Variants in MKLN1 observed in about 807,000 individuals in gnomAD.
MKLN1 encodes muskelin 1.
Under a neutral mutation model 99.0 loss-of-function variants are expected in MKLN1, and 18 were observed. The observed-to-expected ratio is 0.18, with a 90% confidence interval of 0.13 to 0.27. The LOEUF (loss-of-function observed/expected upper bound fraction) is 0.27, where lower values mean the gene tolerates loss of function less well. Ranked by LOEUF, MKLN1 falls within the 10% of genes least tolerant of loss-of-function variation. The probability of loss-of-function intolerance (pLI) is 1.00; values close to 1 mark genes in which losing one functional copy is unlikely to be tolerated. For synonymous variants in MKLN1, 288 were observed against 293.2 expected (o/e 0.98, Z 0.18); for missense variants, 621 against 875.9 (o/e 0.71, Z 3.67).
Position 131,164,144 on chromosome 7 carries a change from C to T in MKLN1, c.-297+21203C>T, listed in dbSNP as rs185203644. On this transcript the variant is annotated intron_variant, in intron 2 of 7. Transcript: ENST00000416992. ...TGTTTTTTCTTGAGACAGGGTCTCA[C>T]TCTGTCACTGAGGCTGGAGTGCAGT... 5.3e-5 allele frequency among the ~76,000 whole-genome samples: 8 copies of T among 152,292 alleles called. No individual in the cohort carries two copies. The East Asian group carries it at 1.2e-3, about 22-fold the overall frequency.
intron 2 of MKLN1, among the ~76,000 whole-genome samples, chr7:131,178,748 C>T (rs1279861601): frequency 6.6e-6 from 1 of 152,230 alleles, no homozygotes; most frequent in South Asian, 2.1e-4. Context: ...TTTGGAGTTC[C>T]CTGACATATA....
At chr7:131,177,555 T>TG (rs1796317886) in intron 2 of MKLN1, among the ~76,000 whole-genome samples, 1 of 152,148 alleles carries the variant, frequency 6.6e-6, no homozygotes, top group Non-Finnish European at 1.5e-5. Flanking sequence ...ACATACACTC[T>TG]TATATATGTG....
intron 1 of MKLN1, among the ~76,000 whole-genome samples, chr7:131,135,070 C>T (rs1254584061): frequency 6.6e-6 from 1 of 152,210 alleles, no homozygotes; most frequent in Non-Finnish European, 1.5e-5. Flanking sequence ...TCTCTCCTTG[C>T]CAACTCATCT....
At chr7:131,231,566 T>C (rs989381733) in intron 3 of MKLN1, among the ~76,000 whole-genome samples, 2 of 152,176 alleles carry the variant, frequency 1.3e-5, no homozygotes, top group African/African-American at 4.8e-5. Flanking sequence ...TTGAACTCTC[T>C]GCAGGAGGAT....
At chr7:131,366,323 A>G (rs1800179725) in intron 1 of MKLN1, among the ~76,000 whole-genome samples, 1 of 152,196 alleles carries the variant, frequency 6.6e-6, no homozygotes, top group Non-Finnish European at 1.5e-5. Flanking sequence ...ACATCCTTTT[A>G]TACTTTTTAA....
intron 3 of MKLN1, among the ~76,000 whole-genome samples, chr7:131,266,742 T>C (rs1797814381): frequency 6.6e-6 from 1 of 151,964 alleles, no homozygotes. Flanking sequence ...TGGGAACTAA[T>C]GCCTTACCTC....
At chr7:131,313,748 A>G (rs190272932) in intron 3 of MKLN1, among the ~76,000 whole-genome samples, 54 of 152,374 alleles carry the variant, frequency 3.5e-4, no homozygotes, top group Admixed American at 1.0e-3. Context: ...CTTTTAATTT[A>G]GTCTGTTTTC....
chr7:131,466,178 TTGAA>T, intron 14 of MKLN1, 94 bp from the exon 15 acceptor site: 1 of 808,646 alleles, frequency 1.2e-6, no homozygotes, highest in Non-Finnish European at 1.8e-6. Context: ...ATTTTTTTAT[TTGAA>T]TGGGCTCAGG....
chr7:131,134,686 C>T (rs10227571), intron 1 of MKLN1, among the ~76,000 whole-genome samples: 18,167 of 152,138 alleles, frequency 0.12, 1,467 homozygotes, highest in South Asian at 0.36. Flanking sequence ...CTTTTAAATC[C>T]CCCTTGGACT....
At chr7:131,402,200 A>G (rs552808405) in intron 6 of MKLN1, among the ~76,000 whole-genome samples, 5 of 152,326 alleles carry the variant, frequency 3.3e-5, no homozygotes, top group East Asian at 3.9e-4. Flanking sequence ...CATTTCAACA[A>G]TGTTCACAGC....
intron 1 of MKLN1, among the ~76,000 whole-genome samples, chr7:131,133,352 T>TC (rs1795589702): frequency 1.5e-5 from 2 of 131,602 alleles, no homozygotes; most frequent in South Asian, 5.3e-4. Flanking sequence ...TTTCTTTCTT[T>TC]CTTTTTTTTT....
At chr7:131,344,984 T>C (rs1799513315) in intron 1 of MKLN1, among the ~76,000 whole-genome samples, 1 of 152,152 alleles carries the variant, frequency 6.6e-6, no homozygotes, top group Admixed American at 6.5e-5. Context: ...TTTTGTATTT[T>C]TAGTAAAGAC....
intron 1 of MKLN1, among the ~76,000 whole-genome samples, chr7:131,365,600 A>G (rs1453654056): frequency 6.6e-6 from 1 of 152,106 alleles, no homozygotes; most frequent in African/African-American, 2.4e-5. Flanking sequence ...TCTTTAATCT[A>G]TCTCGAGTTG....
At chr7:131,115,757 T>C (rs6944441) in intron 1 of MKLN1, among the ~76,000 whole-genome samples, 4,724 of 152,298 alleles carry the variant, frequency 0.031, 275 homozygotes, top group African/African-American at 0.11. Context: ...TTATAGGATT[T>C]ACCCTATATA....
At chr7:131,222,687 A>G (rs1049901509) in intron 3 of MKLN1, among the ~76,000 whole-genome samples, 1 of 152,088 alleles carries the variant, frequency 6.6e-6, no homozygotes, top group African/African-American at 2.4e-5. Flanking sequence ...GGATAAGGGC[A>G]CAAGGAAGCC....
intron 3 of MKLN1, among the ~76,000 whole-genome samples, chr7:131,245,308 G>A (rs1383834011): frequency 3.2e-5 from 4 of 125,122 alleles, no homozygotes; most frequent in African/African-American, 9.2e-5. Flanking sequence ...TCGCTCTGTT[G>A]CCCAGGCTGA....
chr7:131,438,347 C>A (rs951870335), intron 10 of MKLN1, among the ~76,000 whole-genome samples: 1 of 151,380 alleles, frequency 6.6e-6, no homozygotes, highest in South Asian at 2.1e-4. Context: ...TTCTACATTC[C>A]TGTGAGAAAT....
intron 1 of MKLN1, among the ~76,000 whole-genome samples, chr7:131,348,677 G>A (rs572752019): frequency 6.6e-6 from 1 of 152,202 alleles, no homozygotes; most frequent in South Asian, 2.1e-4. Flanking sequence ...GGGTATGAGA[G>A]GAGAGTTCTT....
chr7:131,266,405 T>C (rs908097041), intron 3 of MKLN1, among the ~76,000 whole-genome samples: 1 of 152,202 alleles, frequency 6.6e-6, no homozygotes, highest in African/African-American at 2.4e-5. Context: ...CTAGATAATA[T>C]GTGTAAGACA....
Sources: gnomAD v4.1 joint callset for allele counts (sites outside exome capture counted in the v4.1 genomes callset) on GRCh38, gnomAD v4.1.1 for gene constraint, MANE v1.5 for transcripts, NCBI Gene and HGNC (gene_info 2026-07-23, HGNC 2026-07-21) for gene names.